Variants in LUZP2 observed in about 807,000 individuals in gnomAD.
The protein encoded by LUZP2 is leucine zipper protein 2.
LUZP2 carries 52 observed loss-of-function variants against 51.6 expected under a neutral mutation model. The ratio of observed to expected loss-of-function variants is 1.01; its 90% CI spans 0.81 to 1.27. The LOEUF is 1.27. Among genes scored for constraint, LUZP2 ranks in the 50% most tolerant of loss-of-function variants. LUZP2 has a pLI of 0.00. For missense variants in LUZP2, 436 were observed against 395.4 expected (o/e 1.10, Z -0.87); for synonymous variants, 154 against 137.3 (o/e 1.12, Z -0.85).
intron 7 of LUZP2, among the ~76,000 whole-genome samples, chr11:24,920,990 C>T (rs866509414): frequency 6.6e-6 from 1 of 151,952 alleles, no homozygotes; most frequent in Middle Eastern, 3.4e-3. Flanking sequence ...AATAATATAT[C>T]CATTAAAAAT....
chr11:24,811,616 T>A (rs573755379), intron 5 of LUZP2, among the ~76,000 whole-genome samples: 26 of 152,196 alleles, frequency 1.7e-4, no homozygotes, highest in Admixed American at 1.3e-3. Flanking sequence ...AAACATAGTA[T>A]CTAATAGGTA....
At position 24,770,159 on chromosome 11, in the gene LUZP2, G is replaced by T. The variant is rs550497705; in HGVS notation, c.396+6851G>T. 5.9e-5 allele frequency among the ~76,000 whole-genome samples: 9 copies of T among 152,246 alleles called. No homozygotes were observed. In the South Asian group the frequency reaches 1.9e-3, roughly 32 times the overall value. On this transcript the variant is annotated intron_variant, in intron 5 of 11. Coordinates refer to ENST00000336930, the MANE Select transcript of LUZP2 (RefSeq NM_001009909.4). Reference sequence around the variant, plus strand: ...AAACACCCTTTCTGTACTATCATTTGTAATTTTCTTGAATTTTAATTATTT... The same window carrying T: ...AAACACCCTTTCTGTACTATCATTTTTAATTTTCTTGAATTTTAATTATTT...
At chr11:24,525,331 C>T (rs1415935251) in intron 1 of LUZP2, among the ~76,000 whole-genome samples, 1 of 151,602 alleles carries the variant, frequency 6.6e-6, no homozygotes, top group Non-Finnish European at 1.5e-5. Context: ...TTGCCTGCTT[C>T]ACATAATCCT....
intron 5 of LUZP2, among the ~76,000 whole-genome samples, chr11:24,860,411 C>T (rs1232641572): frequency 6.6e-6 from 1 of 152,070 alleles, no homozygotes; most frequent in African/African-American, 2.4e-5. Flanking sequence ...TGGGTTTTCC[C>T]CCCAGTGAAG....
chr11:24,998,592 T>G (rs113034960), intron 9 of LUZP2, among the ~76,000 whole-genome samples: 1 of 152,314 alleles, frequency 6.6e-6, no homozygotes. Flanking sequence ...CAGGAAAAAC[T>G]TAATGAAATA....
At chr11:24,804,130 T>A (rs1341171436) in intron 5 of LUZP2, among the ~76,000 whole-genome samples, 1 of 152,182 alleles carries the variant, frequency 6.6e-6, no homozygotes, top group East Asian at 1.9e-4. Flanking sequence ...ATTTCAATTT[T>A]CACACTAATT....
At position 24,864,857 on chromosome 11, in the gene LUZP2, G is replaced by A. The variant is rs570844160; in HGVS notation, c.397-41134G>A. On this transcript the variant is annotated intron_variant, in intron 5 of 11. Coordinates refer to ENST00000336930, the MANE Select transcript of LUZP2 (RefSeq NM_001009909.4). ...AACTGGAGCTGCTTCCACAAGAAAG[G>A]GAGTTGAATACAGGATCCATAAACA... Among the ~76,000 whole-genome samples, 16 of 152,208 alleles carry A rather than the reference G, an allele frequency of 1.1e-4. No individual in the cohort carries two copies. The South Asian group carries it at 2.3e-3, about 22-fold the overall frequency.
chr11:24,734,373 A>G (rs879339130), intron 3 of LUZP2, among the ~76,000 whole-genome samples: 44 of 7,826 alleles, frequency 5.6e-3, no homozygotes, highest in Non-Finnish European at 9.7e-3. Context: ...AAAATCAGGA[A>G]AAAAAAATGT....
At chr11:24,719,423 G>C (rs911518743) in intron 1 of LUZP2, among the ~76,000 whole-genome samples, 2 of 152,108 alleles carry the variant, frequency 1.3e-5, no homozygotes, top group African/African-American at 4.8e-5. Flanking sequence ...CAGTCTTAGT[G>C]CTGACCAATC....
At chr11:24,793,300 T>A (rs1849456250) in intron 5 of LUZP2, among the ~76,000 whole-genome samples, 1 of 152,172 alleles carries the variant, frequency 6.6e-6, no homozygotes, top group African/African-American at 2.4e-5. Flanking sequence ...GGTTATTTGA[T>A]GTACAATTTT....
chr11:25,053,659 A>G (rs1383681061), intron 10 of LUZP2, among the ~76,000 whole-genome samples: 1 of 151,008 alleles, frequency 6.6e-6, no homozygotes, highest in Admixed American at 6.6e-5. Flanking sequence ...AAACCATTTT[A>G]TTGTGTGGTG....
intron 1 of LUZP2, among the ~76,000 whole-genome samples, chr11:24,661,686 G>T (rs1384182064): frequency 6.6e-6 from 1 of 152,078 alleles, no homozygotes; most frequent in African/African-American, 2.4e-5. Flanking sequence ...TGAAATATAG[G>T]TTCAGATTTC....
rs185499085 is a variant in LUZP2, at chr11:24,892,554, G to A, written c.397-13437G>A. On this transcript the variant is annotated intron_variant, in intron 5 of 11. Coordinates refer to ENST00000336930, the MANE Select transcript of LUZP2 (RefSeq NM_001009909.4). ...ATGTTTCTATTCTCCATAACATTCT[G>A]TTTATAGATAAGCCCTATGCTATTT... is the stretch of plus-strand genomic sequence containing the variant. 5 of 513,090 alleles carry A rather than the reference G, an allele frequency of 9.7e-6. No individual in the cohort carries two copies. The African/African-American group carries it at 1.0e-4, about 11-fold the overall frequency. 31.8% of individuals were successfully genotyped at this position (513,090 alleles called of 1,614,324 possible).
intron 1 of LUZP2, among the ~76,000 whole-genome samples, chr11:24,711,565 G>A (rs1480237471): frequency 6.6e-6 from 1 of 152,228 alleles, no homozygotes; most frequent in East Asian, 1.9e-4. Context: ...ATGATTATGC[G>A]GATGGAGTTG....
At chr11:24,511,088 C>G (rs1038825966) in intron 1 of LUZP2, among the ~76,000 whole-genome samples, 2 of 152,204 alleles carry the variant, frequency 1.3e-5, no homozygotes, top group African/African-American at 4.8e-5. Flanking sequence ...CTTCTTACCT[C>G]TGCCATATAT....
chr11:24,574,626 G>A (rs1417852211), intron 1 of LUZP2, among the ~76,000 whole-genome samples: 1 of 151,950 alleles, frequency 6.6e-6, no homozygotes. Context: ...CAAAAGACAG[G>A]CATTTCTTGA....
intron 1 of LUZP2, among the ~76,000 whole-genome samples, chr11:24,718,506 G>C (rs553332909): frequency 2.0e-5 from 3 of 152,174 alleles, no homozygotes; most frequent in Non-Finnish European, 4.4e-5. Context: ...TATCTAGCTC[G>C]TATGGCAAGG....
chr11:25,024,813 A>G (rs1389748134), intron 9 of LUZP2, among the ~76,000 whole-genome samples: 4 of 148,116 alleles, frequency 2.7e-5, no homozygotes, highest in African/African-American at 1.0e-4. Context: ...TTCATATGGA[A>G]CCAAAAAAGA....
intron 5 of LUZP2, among the ~76,000 whole-genome samples, chr11:24,816,002 T>A (rs10834487): frequency 7.6e-6 from 1 of 130,720 alleles, no homozygotes; most frequent in Non-Finnish European, 1.7e-5. Context: ...TCTTCTTTTT[T>A]TTTTAAAAAA....
Sources: allele counts gnomAD v4.1 joint callset (sites outside exome capture counted in the v4.1 genomes callset), GRCh38; gene constraint gnomAD v4.1.1; transcripts MANE v1.5; gene names NCBI Gene and HGNC (gene_info 2026-07-23, HGNC 2026-07-21).